LYRM4: variants seen among roughly 807,000 people sequenced by gnomAD.
LYRM4 encodes LYR motif-containing protein 4.
LYRM4 carries 9 observed loss-of-function variants against 11.7 expected under a neutral mutation model. The observed-to-expected ratio is 0.77, with a 90% confidence interval of 0.46 to 1.34. The LOEUF (loss-of-function observed/expected upper bound fraction) is 1.34. Among genes scored for constraint, LYRM4 ranks in the 40% most tolerant of loss-of-function variants. The probability of loss-of-function intolerance (pLI) is 0.00; values close to 1 mark genes in which losing one functional copy is unlikely to be tolerated. For synonymous variants in LYRM4, 42 were observed against 40.4 expected, an observed-to-expected ratio of 1.04 and a Z score of -0.15; for missense variants, 133 against 112.5, an observed-to-expected ratio of 1.18 and a Z score of -0.82.
chr6:5,239,552 A>G (rs1763747555), intron 1 of LYRM4, among the ~76,000 whole-genome samples: 1 of 151,972 alleles, frequency 6.6e-6, no homozygotes, highest in Admixed American at 6.6e-5. Flanking sequence ...AGCGGAGCCA[A>G]GAGAGGAGCA....
At chr6:5,077,881 G>A in the LYRM4 span, among the ~76,000 whole-genome samples, 1 of 152,116 alleles carries the variant, frequency 6.6e-6, no homozygotes, top group Admixed American at 6.5e-5. Flanking sequence ...TCCATTTAGG[G>A]TTCTTCTTCT....
chr6:5,247,521 C>T (rs908646567), intron 1 of LYRM4, among the ~76,000 whole-genome samples: 3 of 152,294 alleles, frequency 2.0e-5, no homozygotes, highest in Admixed American at 2.0e-4. Flanking sequence ...CAATATCACT[C>T]TTAGGAATCA....
At chr6:5,172,288 C>T (rs888510196) in intron 2 of LYRM4, among the ~76,000 whole-genome samples, 2 of 152,140 alleles carry the variant, frequency 1.3e-5, no homozygotes, top group East Asian at 1.9e-4. Flanking sequence ...CTGCACAGCA[C>T]GGAAGAGCAT....
rs1762742405 is a variant in LYRM4 at position 5,108,662 on chromosome 6, G to A, written c.*761C>T. On this transcript the variant is annotated 3_prime_UTR_variant, in exon 3 of 3. Transcript: ENST00000330636. ...CAGATTTGGGCACCGGTGCTGCCCA[G>A]CATGCCCCAGGCTTCAGGGTATGGG... The A allele has an allele frequency of 5.2e-6, 3 of 580,070 alleles. No homozygotes were observed. The highest frequency in any genetic ancestry group is 6.5e-6 in the Non-Finnish European group (3 of 459,286). The allele number at this position is 580,070 out of a possible 1,614,324, so 35.9% of individuals were successfully genotyped here.
At chr6:5,193,538 T>C (rs1184588403) in intron 2 of LYRM4, among the ~76,000 whole-genome samples, 1 of 152,200 alleles carries the variant, frequency 6.6e-6, no homozygotes, top group Non-Finnish European at 1.5e-5. Context: ...TTTTGGTCTT[T>C]GAAAATGAGG....
At chr6:5,073,989 A>C in the LYRM4 span, among the ~76,000 whole-genome samples, 1 of 151,276 alleles carries the variant, frequency 6.6e-6, no homozygotes, top group East Asian at 1.9e-4. Flanking sequence ...CCATTCTGAC[A>C]CTATTCCAAC....
At chr6:5,251,617 G>C (rs9405813) in intron 1 of LYRM4, among the ~76,000 whole-genome samples, 23,311 of 152,144 alleles carry the variant, frequency 0.15, 1,997 homozygotes, top group East Asian at 0.23. Context: ...AAGGGGAATG[G>C]TGCTAAACTA....
intron 2 of LYRM4, among the ~76,000 whole-genome samples, chr6:5,191,432 G>C (rs1025156804): frequency 1.3e-5 from 2 of 152,178 alleles, no homozygotes; most frequent in African/African-American, 2.4e-5. Flanking sequence ...GCCATTCTGA[G>C]AAGTATATGA....
chr6:5,196,991 G>C (rs1761091324), intron 2 of LYRM4, among the ~76,000 whole-genome samples: 1 of 152,174 alleles, frequency 6.6e-6, no homozygotes, highest in South Asian at 2.1e-4. Context: ...GCACAAGATT[G>C]ATGAGCCTCC....
At chr6:5,249,498 G>A (rs190378140) in intron 1 of LYRM4, among the ~76,000 whole-genome samples, 168 of 152,224 alleles carry the variant, frequency 1.1e-3, no homozygotes, top group Non-Finnish European at 1.3e-3. Flanking sequence ...TCATTTCTGC[G>A]ATCTATTTTT....
chr6:5,242,354 G>A (rs1466028581), intron 1 of LYRM4, among the ~76,000 whole-genome samples: 1 of 149,614 alleles, frequency 6.7e-6, no homozygotes, highest in African/African-American at 2.5e-5. Context: ...TTACAGGCGT[G>A]AGCCACTGCG....
the LYRM4 span, chr6:5,087,596 C>T: frequency 6.6e-6 from 1 of 152,344 alleles, no homozygotes; most frequent in African/African-American, 2.4e-5. Flanking sequence ...CCCTTTTAGT[C>T]GCTGGACTGC....
the LYRM4 span, among the ~76,000 whole-genome samples, chr6:5,060,151 T>C: frequency 1.3e-5 from 2 of 152,264 alleles, no homozygotes; most frequent in East Asian, 3.8e-4. Flanking sequence ...GAAATACATA[T>C]GTACACACGA....
rs1472760585 is a variant in LYRM4 at position 5,260,606 on chromosome 6, C to T, written c.86+42G>A. ...TCAGCCCGCACCCCCGGTCCCCGGC[C>T]CCTGGCCCCCCGCCCCCGGCCCCCG... On this transcript the variant is annotated intron_variant, in intron 1 of 2. Coordinates refer to ENST00000330636, the MANE Select transcript of LYRM4 (RefSeq NM_020408.6). 2.4e-6 allele frequency: 3 copies of T among 1,231,376 alleles called. No individual in the cohort carries two copies. The South Asian group carries it at 3.8e-5, about 16-fold the overall frequency. 76.3% of individuals were successfully genotyped at this position (1,231,376 alleles called of 1,614,324 possible).
chr6:5,085,523 C>T, the LYRM4 span: 9 of 1,538,468 alleles, frequency 5.8e-6, no homozygotes, highest in Non-Finnish European at 7.9e-6. Flanking sequence ...TTGGAGGCGC[C>T]GGGACCAGCG....
chr6:5,187,205 T>C (rs1019615617), intron 2 of LYRM4, among the ~76,000 whole-genome samples: 3 of 152,182 alleles, frequency 2.0e-5, no homozygotes, highest in African/African-American at 7.2e-5. Context: ...TGAAAATATG[T>C]GATCTTCTCA....
chr6:5,252,121 A>G lies in LYRM4; in HGVS notation c.86+8527T>C, dbSNP rs529150828. On this transcript the variant is annotated intron_variant, in intron 1 of 2. Coordinates refer to ENST00000330636, the MANE Select transcript of LYRM4 (RefSeq NM_020408.6). ...ACTTAGGAATTTTACCACTCATGAA[A>G]CTAGGGAGCCTGTTTAACCATTTCA... Among the ~76,000 whole-genome samples, 239 of 152,336 alleles carry G rather than the reference A, an allele frequency of 1.6e-3. 1 individual carries two copies. Among genetic ancestry groups the G allele is most frequent in the Non-Finnish European group, 2.1e-3 (145 of 68,040 alleles).
At chr6:5,173,405 G>A (rs1028070962) in intron 2 of LYRM4, among the ~76,000 whole-genome samples, 3 of 152,184 alleles carry the variant, frequency 2.0e-5, no homozygotes, top group African/African-American at 7.2e-5. Context: ...CTCTGTATGA[G>A]CACATTCATG....
At chr6:5,079,511 T>G in the LYRM4 span, among the ~76,000 whole-genome samples, 1 of 152,202 alleles carries the variant, frequency 6.6e-6, no homozygotes, top group African/African-American at 2.4e-5. Flanking sequence ...TATTTTGGGG[T>G]CACGTGTTCT....
Sources: gnomAD v4.1 joint callset for allele counts (sites outside exome capture counted in the v4.1 genomes callset) on GRCh38, gnomAD v4.1.1 for gene constraint, MANE v1.5 for transcripts, NCBI Gene and HGNC (gene_info 2026-07-23, HGNC 2026-07-21) for gene names.